Variants in ERI2 observed in about 807,000 individuals in gnomAD.
ERI2 encodes the protein ERI1 exoribonuclease family member 2.
A neutral mutation model predicts 46.8 loss-of-function variants in ERI2; 35 were observed. That is an observed-to-expected ratio of 0.75 (90% confidence interval 0.57 to 0.99). The LOEUF (loss-of-function observed/expected upper bound fraction) is 0.99. Among genes scored for constraint, ERI2 ranks in the 50% least tolerant of loss-of-function variants. The pLI is 0.00. For synonymous variants in ERI2, 224 were observed against 271.0 expected, an observed-to-expected ratio of 0.83 and a Z score of 1.70; for missense variants, 695 against 796.2, an observed-to-expected ratio of 0.87 and a Z score of 1.53.
At chr16:20,787,300 G>A (rs1052547082) in intron 10 of ERI2, among the ~76,000 whole-genome samples, 2 of 152,206 alleles carry the variant, frequency 1.3e-5, no homozygotes, top group African/African-American at 4.8e-5. Context: ...GGTTTCAACT[G>A]AATGGTTATC....
rs1275081866 is a variant in ERI2 at position 20,801,348 on chromosome 16, A to G, written c.315T>C (p.Asp105=). ...ELTGIKQAQV[D]EGVPLKICLS... ...AGCAAATCTTCAGAGGGACTCCTTCATCAACTTGAGCCTGAGTAGAGAGTC... is the reference window on the plus strand; with the variant it reads ...AGCAAATCTTCAGAGGGACTCCTTCGTCAACTTGAGCCTGAGTAGAGAGTC... Residue 105 remains aspartate, a synonymous_variant, in exon 5 of 9, where the codon GAT becomes GAC. Transcript: ENST00000357967. The G allele has an allele frequency of 1.9e-6, 3 of 1,599,818 alleles. No homozygotes were observed. Among genetic ancestry groups the G allele is most frequent in the Admixed American group, 1.7e-5 (1 of 57,576 alleles).
chr16:20,791,947 A>T, downstream of ERI2: 1 of 1,580,540 alleles, frequency 6.3e-7, no homozygotes, highest in Admixed American at 1.9e-5. Context: ...AAAAAATTCC[A>T]ATTGACCAGA....
chr16:20,786,150 G>A (rs370404111), intron 10 of ERI2: 18 of 1,609,164 alleles, frequency 1.1e-5, no homozygotes, highest in African/African-American at 8.0e-5. Flanking sequence ...TCCTGCTTTC[G>A]ATGTTAAGGT....
chr16:20,787,305 G>T (rs971493930), intron 10 of ERI2, among the ~76,000 whole-genome samples: 63 of 152,276 alleles, frequency 4.1e-4, no homozygotes, highest in African/African-American at 1.3e-3. Context: ...CAACTGAATG[G>T]TTATCTTTTT....
chr16:20,781,219 C>A, intron 10 of ERI2: 2 of 1,444,100 alleles, frequency 1.4e-6, no homozygotes, highest in South Asian at 1.3e-5. Flanking sequence ...TTGCAGAGAT[C>A]AGAGTAGACA....
downstream of ERI2, chr16:20,796,189 T>G: frequency 9.5e-7 from 1 of 1,054,740 alleles, no homozygotes; most frequent in South Asian, 1.9e-5. Context: ...CCAGAAGCTC[T>G]CCTGTATTAG....
downstream of ERI2, chr16:20,792,251 A>G: frequency 6.2e-7 from 1 of 1,614,092 alleles, no homozygotes; most frequent in East Asian, 2.2e-5. Flanking sequence ...GAATTGGACC[A>G]TTTGAGGTAG....
At chr16:20,786,082 T>G in intron 10 of ERI2, 1 of 1,589,050 alleles carries the variant, frequency 6.3e-7, no homozygotes, top group Non-Finnish European at 8.6e-7. Context: ...AACTAGGTGC[T>G]AATCTGTGGA....
chr16:20,804,266 C>T (rs766486000), intron 1 of ERI2, among the ~76,000 whole-genome samples: 2 of 152,048 alleles, frequency 1.3e-5, no homozygotes, highest in Non-Finnish European at 2.9e-5. Flanking sequence ...TCTTATTTTT[C>T]CCCCTGCATT....
At chr16:20,789,570 T>G in intron 9 of ERI2, 1 of 1,561,480 alleles carries the variant, frequency 6.4e-7, no homozygotes, top group Non-Finnish European at 8.8e-7. Flanking sequence ...AAACAAAGTT[T>G]GAAAACCAGT....
At chr16:20,785,140 T>G in intron 10 of ERI2, 1 of 1,610,234 alleles carries the variant, frequency 6.2e-7, no homozygotes, top group Non-Finnish European at 8.5e-7. Flanking sequence ...CATAGCTGGA[T>G]TCCATTTAGT....
At chr16:20,788,871 T>G (rs2080532125) in intron 10 of ERI2, among the ~76,000 whole-genome samples, 1 of 152,194 alleles carries the variant, frequency 6.6e-6, no homozygotes. Context: ...GAATTTATAT[T>G]TTTTTATTTG....
chr16:20,786,354 A>G (rs1304083586), intron 10 of ERI2: 4 of 1,146,304 alleles, frequency 3.5e-6, no homozygotes, highest in Non-Finnish European at 4.7e-6. Flanking sequence ...AAATACCCAT[A>G]TTGTACCATA....
chr16:20,798,154 G>A lies in ERI2; in HGVS notation c.1646C>T (p.Pro549Leu), dbSNP rs779916823. The A allele has an allele frequency of 9.0e-6, 14 of 1,551,536 alleles. No homozygotes were observed. In the South Asian group the frequency reaches 1.1e-4, roughly 12 times the overall value. The part of the protein sequence containing the change: ...PQAFPPAKKQ[P>L]FTIHEEKPTS... ...AGGCTTTTCTTCATGAATAGTGAAG[G>A]GTTGTTTTTTTGCTGGTGGGAAAGC... The change falls in exon 9 of 9, where the codon CCC becomes CTC. Residue 549 changes from proline to leucine, a missense_variant. Pro to Leu is a moderately conservative substitution (Grantham distance 98). Coordinates refer to ENST00000357967, the MANE Select transcript of ERI2 (RefSeq NM_001142725.2).
At position 20,796,524 on chromosome 16, in the gene ERI2, T is replaced by C. The variant is rs769347100; in HGVS notation, c.*1200A>G. ...CTAATTATAACGAATATTTGCTCAGTGTTGTGGACAATTTCAAGTGTTTAT... is the reference window on the plus strand; with the variant it reads ...CTAATTATAACGAATATTTGCTCAGCGTTGTGGACAATTTCAAGTGTTTAT... On this transcript the variant is annotated 3_prime_UTR_variant, in exon 9 of 9. Coordinates refer to ENST00000357967, the MANE Select transcript of ERI2 (RefSeq NM_001142725.2). The C allele has an allele frequency of 1.9e-6, 3 of 1,603,400 alleles. No individual in the cohort carries two copies. Among genetic ancestry groups the C allele is most frequent in the Non-Finnish European group, 2.5e-6 (3 of 1,177,846 alleles).
intron 1 of ERI2, 185 bp downstream of exon 1, chr16:20,806,223 A>G: frequency 7.1e-7 from 1 of 1,407,900 alleles, no homozygotes; most frequent in Non-Finnish European, 9.2e-7. Flanking sequence ...AGGTGGCCCA[A>G]GGCTGAAGAC....
At chr16:20,785,028 C>T (rs1485471560) in intron 10 of ERI2, 1 of 1,613,430 alleles carries the variant, frequency 6.2e-7, no homozygotes, top group East Asian at 2.2e-5. Flanking sequence ...GCTGGGGAAC[C>T]AATTACCCCT....
Position 20,799,306 on chromosome 16 carries a change from A to T in ERI2, c.689T>A (p.Ile230Asn). The T allele has an allele frequency of 6.2e-7, 1 of 1,613,790 alleles. No homozygotes were observed. Among genetic ancestry groups the T allele is most frequent in the Non-Finnish European group, 8.5e-7 (1 of 1,179,730 alleles). ...AATTTTCATTACACAACCATCTCTGATCATTTTCCAAGCAAGAAGGGCAGT... is the reference window on the plus strand; with the variant it reads ...AATTTTCATTACACAACCATCTCTGTTCATTTTCCAAGCAAGAAGGGCAGT... ...RNTALLAWKM[I>N]RDGCVMKITR... Residue 230 changes from isoleucine to asparagine, a missense_variant, in exon 8 of 9, where the codon ATC becomes AAC. Ile to Asn is a moderately radical substitution (Grantham distance 149). Coordinates refer to ENST00000357967, the MANE Select transcript of ERI2 (RefSeq NM_001142725.2).
chr16:20,802,979 G>A (rs2080812262), intron 3 of ERI2, 56 bp from the exon 4 acceptor site: 1 of 1,469,004 alleles, frequency 6.8e-7, no homozygotes, highest in Non-Finnish European at 9.2e-7. Context: ...AATTAATCCT[G>A]TAATCATCCT....
Sources: allele counts gnomAD v4.1 joint callset (sites outside exome capture counted in the v4.1 genomes callset), GRCh38; gene constraint gnomAD v4.1.1; transcripts MANE v1.5; gene names NCBI Gene and HGNC (gene_info 2026-07-23, HGNC 2026-07-21).